TP63: variants seen among roughly 807,000 people sequenced by gnomAD.
The protein encoded by TP63 is tumor protein p63.
A neutral mutation model predicts 82.8 loss-of-function variants in TP63; 17 were observed. The observed-to-expected ratio is 0.21, with a 90% CI of 0.14 to 0.31. TP63 has a LOEUF of 0.31. Among genes scored for constraint, TP63 ranks in the 10% least tolerant of loss-of-function variants. TP63 has a pLI of 1.00. For synonymous variants in TP63, 330 were observed against 321.7 expected, an observed-to-expected ratio of 1.03 and a Z score of -0.28; for missense variants, 648 against 895.3, an observed-to-expected ratio of 0.72 and a Z score of 3.52.
intron 10 of TP63, chr3:189,879,936 T>C: frequency 1.6e-6 from 2 of 1,277,474 alleles, no homozygotes; most frequent in Non-Finnish European, 2.0e-6. Flanking sequence ...AAAAATAGCT[T>C]TTCAGGCACT....
At chr3:189,769,541 G>T (rs750714018) in intron 3 of TP63, among the ~76,000 whole-genome samples, 30 of 152,088 alleles carry the variant, frequency 2.0e-4, no homozygotes, top group Middle Eastern at 3.4e-3. Flanking sequence ...CCACTTAATT[G>T]GTATTCCTTT....
chr3:189,791,891 T>G (rs1043292159), intron 3 of TP63, among the ~76,000 whole-genome samples: 5 of 152,082 alleles, frequency 3.3e-5, no homozygotes, highest in African/African-American at 1.2e-4. Context: ...GTATAGGGAT[T>G]TATGTTTATT....
chr3:189,782,673 A>G (rs1381220070), intron 3 of TP63, among the ~76,000 whole-genome samples: 1 of 152,172 alleles, frequency 6.6e-6, no homozygotes, highest in Non-Finnish European at 1.5e-5. Context: ...TTTACCTTTT[A>G]GAGATGAAAG....
intron 4 of TP63, 40 bp from the exon 5 acceptor site, chr3:189,864,192 T>A: frequency 6.2e-7 from 1 of 1,611,656 alleles, no homozygotes; most frequent in East Asian, 2.2e-5. Flanking sequence ...CTCCTGTTGG[T>A]TCTCTCCTTC....
rs968082494 is a variant in TP63 at position 189,780,493 on chromosome 3, A to G, written c.325-27779A>G. Among the ~76,000 whole-genome samples, 3 of 151,234 alleles carry G rather than the reference A, an allele frequency of 2.0e-5. No individual in the cohort carries two copies. The South Asian group carries it at 6.4e-4, about 32-fold the overall frequency. ...TTCACTTTGGAAAACAGTTTCCTCC[A>G]TAGATTACTTATAGGCCCCTATTTC... On this transcript the variant is annotated intron_variant, in intron 3 of 13. Coordinates refer to ENST00000264731, the MANE Select transcript of TP63 (RefSeq NM_003722.5).
chr3:189,686,419 C>G (rs1716442768), intron 1 of TP63, among the ~76,000 whole-genome samples: 1 of 152,062 alleles, frequency 6.6e-6, no homozygotes. Context: ...TTCAAAGAAA[C>G]TAAGATGTGG....
At chr3:189,633,208 A>G (rs189349327) in intron 1 of TP63, among the ~76,000 whole-genome samples, 3 of 152,092 alleles carry the variant, frequency 2.0e-5, no homozygotes, top group Non-Finnish European at 2.9e-5. Context: ...ATTCTAAGCA[A>G]TCATAGTATT....
chr3:189,869,338 A>G lies in TP63; in HGVS notation c.1144A>G (p.Thr382Ala), dbSNP rs1489182283. The G allele has an allele frequency of 1.9e-6, 3 of 1,614,018 alleles. No individual in the cohort carries two copies. The highest frequency in any genetic ancestry group is 4.5e-5 in the East Asian group (2 of 44,888). Residue 382 changes from threonine (T) to alanine (A), a missense_variant, in exon 9 of 14, where the codon ACA (threonine) becomes GCA (alanine). Physicochemically the swap from Thr to Ala is moderately conservative, Grantham distance 58. Transcript: ENST00000264731. ...DGTKRPFRQNTHGIQMTSIKK... is the reference protein window; with the variant it reads ...DGTKRPFRQNAHGIQMTSIKK... ...TCCTCCACCAGCGTTTCGTCAGAAC[A>G]CACATGGTATCCAGATGACATCCAT...
intron 1 of TP63, among the ~76,000 whole-genome samples, chr3:189,698,761 C>T (rs1226803812): frequency 6.6e-6 from 1 of 152,036 alleles, no homozygotes; most frequent in Non-Finnish European, 1.5e-5. Flanking sequence ...AAATAAGAGC[C>T]TATTGATCAT....
intron 3 of TP63, among the ~76,000 whole-genome samples, chr3:189,749,572 G>A (rs962208758): frequency 1.3e-4 from 19 of 151,920 alleles, no homozygotes; most frequent in African/African-American, 4.6e-4. Context: ...AAAGGAACTC[G>A]TATTCACTGT....
intron 3 of TP63, among the ~76,000 whole-genome samples, chr3:189,752,965 T>G (rs960087740): frequency 6.6e-5 from 10 of 152,202 alleles, no homozygotes; most frequent in African/African-American, 9.6e-5. Context: ...CTGTTACCTT[T>G]CTATACTAAC....
the TP63 span, among the ~76,000 whole-genome samples, chr3:189,597,948 G>C: frequency 2.0e-5 from 3 of 150,474 alleles, no homozygotes; most frequent in South Asian, 2.1e-4. Context: ...AAAAAAGTTA[G>C]AATTAATATT....
At chr3:189,844,198 G>A (rs936611382) in intron 4 of TP63, 2 of 375,184 alleles carry the variant, frequency 5.3e-6, no homozygotes, top group Non-Finnish European at 1.0e-5. Flanking sequence ...TTGAGACAGA[G>A]TCTCGCCTTG....
intron 10 of TP63, chr3:189,880,669 C>A: frequency 2.0e-6 from 2 of 985,318 alleles, no homozygotes; most frequent in Non-Finnish European, 2.4e-6. Context: ...TCAGTCAGAC[C>A]CTTTTAATGC....
intron 1 of TP63, among the ~76,000 whole-genome samples, chr3:189,710,145 G>A (rs1197578725): frequency 1.3e-5 from 2 of 152,070 alleles, no homozygotes; most frequent in Non-Finnish European, 2.9e-5. Context: ...TTAGGGAAAG[G>A]CGTGGGGAGA....
intron 4 of TP63, among the ~76,000 whole-genome samples, chr3:189,819,006 A>G (rs999312491): frequency 2.0e-4 from 31 of 152,208 alleles, no homozygotes; most frequent in Non-Finnish European, 4.4e-5. Context: ...ATACAAAACC[A>G]TGGATTTAGT....
At chr3:189,738,190 G>T (rs977450009) in intron 2 of TP63, among the ~76,000 whole-genome samples, 1 of 152,084 alleles carries the variant, frequency 6.6e-6, no homozygotes, top group Non-Finnish European at 1.5e-5. Flanking sequence ...TATAATGCAG[G>T]TACTCACTGA....
intron 1 of TP63, among the ~76,000 whole-genome samples, chr3:189,641,877 T>C (rs1711914260): frequency 6.6e-6 from 1 of 152,162 alleles, no homozygotes; most frequent in South Asian, 2.1e-4. Flanking sequence ...TATTCCCAGT[T>C]TGCAGATGAG....
intron 3 of TP63, among the ~76,000 whole-genome samples, chr3:189,785,538 C>T (rs943982118): frequency 5.3e-5 from 8 of 151,914 alleles, no homozygotes; most frequent in African/African-American, 1.2e-4. Flanking sequence ...ATTCTCACAT[C>T]GGTAGGCTTT....
Sources: gnomAD v4.1 joint callset for allele counts (sites outside exome capture counted in the v4.1 genomes callset) on GRCh38, gnomAD v4.1.1 for gene constraint, MANE v1.5 for transcripts, NCBI Gene and HGNC (gene_info 2026-07-23, HGNC 2026-07-21) for gene names.